ANKRD13C: variants seen among roughly 807,000 people sequenced by gnomAD.
The protein encoded by ANKRD13C is ankyrin repeat domain 13C, also known as ankyrin repeat domain-containing protein 13C.
ANKRD13C carries 16 observed loss-of-function variants against 65.5 expected under a neutral mutation model. The ratio of observed to expected loss-of-function variants is 0.24; its 90% CI spans 0.17 to 0.37. The LOEUF (loss-of-function observed/expected upper bound fraction) is 0.37. Among genes scored for constraint, ANKRD13C ranks in the 10% least tolerant of loss-of-function variants. The probability of loss-of-function intolerance (pLI) is 1.00; values close to 1 mark genes in which losing one functional copy is unlikely to be tolerated. For synonymous variants in ANKRD13C, 235 were observed against 238.7 expected (o/e 0.98, Z 0.14); for missense variants, 503 against 655.9 (o/e 0.77, Z 2.55).
At chr1:70,299,278 G>A (rs538471046) in intron 7 of ANKRD13C, among the ~76,000 whole-genome samples, 7 of 152,076 alleles carry the variant, frequency 4.6e-5, no homozygotes, top group Non-Finnish European at 2.9e-5. Flanking sequence ...AAAATAGTAA[G>A]GTAAGAAAAA....
chr1:70,289,274 CTACT>C (rs773769471), intron 9 of ANKRD13C, among the ~76,000 whole-genome samples: 1 of 152,156 alleles, frequency 6.6e-6, no homozygotes, highest in Non-Finnish European at 1.5e-5. Context: ...GCTTAAAATG[CTACT>C]TAAAGACCTC....
At chr1:70,327,240 A>G (rs888644836) in intron 2 of ANKRD13C, among the ~76,000 whole-genome samples, 1 of 152,232 alleles carries the variant, frequency 6.6e-6, no homozygotes, top group Non-Finnish European at 1.5e-5. Context: ...TGTGTTTCCA[A>G]TGTGATATAT....
intron 8 of ANKRD13C, chr1:70,293,373 C>G (rs1261705646): frequency 6.4e-6 from 1 of 157,172 alleles, no homozygotes; most frequent in Non-Finnish European, 1.4e-5. Flanking sequence ...CACCCTGCTG[C>G]TGTTTACTGA....
At chr1:70,341,116 C>A (rs1164909393) in intron 1 of ANKRD13C, among the ~76,000 whole-genome samples, 1 of 152,040 alleles carries the variant, frequency 6.6e-6, no homozygotes, top group Non-Finnish European at 1.5e-5. Flanking sequence ...TCTCAAAAAA[C>A]AACTATTGGG....
chr1:70,298,152 T>C (rs1389559149), intron 7 of ANKRD13C, among the ~76,000 whole-genome samples: 3 of 152,146 alleles, frequency 2.0e-5, no homozygotes, highest in African/African-American at 7.2e-5. Context: ...ATACTTCAAA[T>C]ATATTATGAA....
At chr1:70,339,506 A>C (rs1486540546) in intron 1 of ANKRD13C, among the ~76,000 whole-genome samples, 10 of 151,614 alleles carry the variant, frequency 6.6e-5, no homozygotes, top group Non-Finnish European at 1.0e-4. Flanking sequence ...TTTAGTAGAG[A>C]TAAGGCTTCA....
chr1:70,260,820 C>A lies in ANKRD13C; in HGVS notation c.*1897G>T, dbSNP rs1432652703. On this transcript the variant is annotated 3_prime_UTR_variant, in exon 13 of 13. Coordinates refer to ENST00000370944, the MANE Select transcript of ANKRD13C (RefSeq NM_030816.5). ...GTGTACCCCAGCAAAATATTCATAG[C>A]TGTGCTGTTAGGAAATTAATCAACC... 6.6e-6 allele frequency: 1 copy of A among 152,090 alleles called. No homozygotes were observed. Among genetic ancestry groups the A allele is most frequent in the African/African-American group, 2.4e-5 (1 of 41,424 alleles). 9.4% of individuals were successfully genotyped at this position (152,090 alleles called of 1,614,324 possible). A position where few individuals can be genotyped will look rare whatever the true frequency, so the allele number is the denominator to read the frequency against.
intron 4 of ANKRD13C, 146 bp downstream of exon 4, chr1:70,315,335 A>G: frequency 3.5e-6 from 2 of 571,386 alleles, no homozygotes; most frequent in Middle Eastern, 1.0e-3. Flanking sequence ...ACATTCATAC[A>G]CTAATTATTG....
Position 70,300,800 on chromosome 1 carries a change from G to A in ANKRD13C, c.885C>T (p.Asp295=). The change falls in exon 7 of 13, where the codon GAC becomes GAT. Residue 295 remains aspartate (D), a synonymous_variant. Coordinates refer to ENST00000370944, the MANE Select transcript of ANKRD13C (RefSeq NM_030816.5). ...TTCGCTGATAAACTTTTTGTTCATT[G>A]TCTAATACTACAAAAGATTCAGAGG... ...AAPSESFVVL[D]NEQKVYQRIH... is the part of the protein sequence containing the mutation. 6.2e-7 allele frequency: 1 copy of A among 1,612,704 alleles called. No individual in the cohort carries two copies. The highest frequency in any genetic ancestry group is 1.6e-4 in the Middle Eastern group (1 of 6,062).
At chr1:70,290,447 A>G (rs1249260588) in intron 9 of ANKRD13C, among the ~76,000 whole-genome samples, 1 of 152,128 alleles carries the variant, frequency 6.6e-6, no homozygotes, top group Non-Finnish European at 1.5e-5. Context: ...ACTCACACAT[A>G]TGCATGTTTA....
intron 2 of ANKRD13C, among the ~76,000 whole-genome samples, chr1:70,334,723 G>A (rs548040934): frequency 6.6e-5 from 10 of 152,044 alleles, no homozygotes; most frequent in African/African-American, 2.4e-4. Flanking sequence ...TCGGGGGTTC[G>A]AGATCGGCCT....
intron 11 of ANKRD13C, among the ~76,000 whole-genome samples, chr1:70,273,022 T>TAAATAAATAAATAAAA (rs1348415121): frequency 1.3e-5 from 2 of 150,570 alleles, no homozygotes; most frequent in Admixed American, 1.3e-4. Flanking sequence ...AATAAATAAA[T>TAAATAAATAAATAAAA]AAAATAATAA....
chr1:70,297,075 A>G (rs1463883416), intron 7 of ANKRD13C, among the ~76,000 whole-genome samples: 2 of 152,126 alleles, frequency 1.3e-5, no homozygotes, highest in Admixed American at 6.5e-5. Flanking sequence ...CTATTCCATA[A>G]TAGGCCAAGA....
intron 3 of ANKRD13C, among the ~76,000 whole-genome samples, chr1:70,322,924 A>G (rs996661164): frequency 6.6e-6 from 1 of 152,078 alleles, no homozygotes; most frequent in Non-Finnish European, 1.5e-5. Flanking sequence ...CCCGGGAGGC[A>G]GAGGTTGCAG....
chr1:70,274,418 G>A (rs972958540), intron 11 of ANKRD13C, among the ~76,000 whole-genome samples: 3 of 140,170 alleles, frequency 2.1e-5, no homozygotes, highest in Admixed American at 7.6e-5. Flanking sequence ...AGGTTGTGGT[G>A]AGCCAAGATC....
intron 7 of ANKRD13C, among the ~76,000 whole-genome samples, chr1:70,300,399 C>T (rs1680297290): frequency 1.3e-5 from 2 of 152,088 alleles, no homozygotes; most frequent in South Asian, 2.1e-4. Flanking sequence ...ACCAACCTAG[C>T]CAACATGGTG....
intron 5 of ANKRD13C, among the ~76,000 whole-genome samples, chr1:70,311,436 C>T (rs1004197375): frequency 1.7e-4 from 26 of 152,122 alleles, no homozygotes; most frequent in African/African-American, 6.3e-4. Flanking sequence ...GATCGCGTGA[C>T]TGCATTCCAG....
intron 1 of ANKRD13C, among the ~76,000 whole-genome samples, chr1:70,337,638 A>G (rs1047767252): frequency 6.6e-6 from 1 of 152,178 alleles, no homozygotes; most frequent in South Asian, 2.1e-4. Flanking sequence ...AATTTTACCA[A>G]AAACAAAACA....
At chr1:70,310,032 T>A (rs1404495745) in intron 5 of ANKRD13C, among the ~76,000 whole-genome samples, 1 of 152,166 alleles carries the variant, frequency 6.6e-6, no homozygotes, top group Non-Finnish European at 1.5e-5. Context: ...ATAAAATATG[T>A]GATTTGCAAT....
Sources: allele counts gnomAD v4.1 joint callset (sites outside exome capture counted in the v4.1 genomes callset), GRCh38; gene constraint gnomAD v4.1.1; transcripts MANE v1.5; gene names NCBI Gene and HGNC (gene_info 2026-07-23, HGNC 2026-07-21).